Variants in IL1RAPL2 observed in about 807,000 individuals in gnomAD.
IL1RAPL2 encodes interleukin 1 receptor accessory protein like 2, also known as X-linked interleukin-1 receptor accessory protein-like 2.
A neutral mutation model predicts 44.1 loss-of-function variants in IL1RAPL2; 3 were observed. The ratio of observed to expected loss-of-function variants is 0.07; its 90% confidence interval spans 0.03 to 0.18. IL1RAPL2 has a LOEUF of 0.18. Ranked by LOEUF, IL1RAPL2 falls within the 10% of genes least tolerant of loss-of-function variation. IL1RAPL2 has a pLI of 1.00. For missense variants in IL1RAPL2, 391 were observed against 496.4 expected (o/e 0.79, Z 2.02); for synonymous variants, 181 against 178.8 (o/e 1.01, Z -0.10).
intron 2 of IL1RAPL2, among the ~76,000 whole-genome samples, chrX:104,909,204 T>C (rs1924142453): frequency 8.9e-6 from 1 of 112,080 alleles, no homozygotes; most frequent in African/African-American, 3.2e-5. Flanking sequence ...TCAGCTCCTT[T>C]AAGCACTTCT....
intron 2 of IL1RAPL2, among the ~76,000 whole-genome samples, chrX:104,824,389 T>C (rs763540163): frequency 1.8e-5 from 2 of 112,062 alleles, no homozygotes; most frequent in East Asian, 5.6e-4. Context: ...GGTAACAATA[T>C]GATGCTGACC....
intron 5 of IL1RAPL2, among the ~76,000 whole-genome samples, chrX:105,408,446 G>A (rs2035666721): frequency 9.1e-6 from 1 of 109,978 alleles, no homozygotes; most frequent in Non-Finnish European, 1.9e-5. Context: ...AACCACCTGT[G>A]TCTCCTTTGG....
chrX:105,196,240 C>T (rs1188797862), intron 3 of IL1RAPL2, among the ~76,000 whole-genome samples: 1 of 110,801 alleles, frequency 9.0e-6, no homozygotes, highest in Non-Finnish European at 1.9e-5. Context: ...CGAGATCGCG[C>T]CACTGCACTC....
At chrX:105,598,469 G>A (rs978008374) in intron 6 of IL1RAPL2, among the ~76,000 whole-genome samples, 2 of 110,992 alleles carry the variant, frequency 1.8e-5, no homozygotes, top group Admixed American at 1.9e-4. Context: ...TTGAAAAAAG[G>A]AAACTATGTG....
chrX:105,367,168 A>G (rs1023651251), intron 5 of IL1RAPL2, among the ~76,000 whole-genome samples: 3 of 111,167 alleles, frequency 2.7e-5, no homozygotes, highest in Non-Finnish European at 5.7e-5. Context: ...TTTGCTTTTT[A>G]TTTCTATGGA....
chrX:104,758,049 G>T (rs1050713321), intron 2 of IL1RAPL2, among the ~76,000 whole-genome samples: 3 of 112,048 alleles, frequency 2.7e-5, no homozygotes, highest in Admixed American at 1.9e-4. Context: ...GGACGGTAAA[G>T]AATATGAAGA....
chrX:104,760,368 A>G (rs764677869), intron 2 of IL1RAPL2, among the ~76,000 whole-genome samples: 2 of 112,170 alleles, frequency 1.8e-5, no homozygotes, highest in East Asian at 5.7e-4. Flanking sequence ...ACTGTTCTCC[A>G]TAATGGTTGT....
chrX:105,699,038 GTTAA>G (rs1403835829), intron 6 of IL1RAPL2, among the ~76,000 whole-genome samples: 1 of 111,587 alleles, frequency 9.0e-6, no homozygotes, highest in Non-Finnish European at 1.9e-5. Context: ...ATGTCAGGCA[GTTAA>G]TTCATGAAAA....
At chrX:105,405,993 G>A (rs930992965) in intron 5 of IL1RAPL2, 1 of 1,203,713 alleles carries the variant, frequency 8.3e-7, no homozygotes, top group African/African-American at 1.8e-5. Context: ...GCCTCCTGAG[G>A]GATTGTTAGG....
intron 5 of IL1RAPL2, among the ~76,000 whole-genome samples, chrX:105,439,457 T>C (rs2035904078): frequency 1.0e-5 from 1 of 99,687 alleles, no homozygotes; most frequent in South Asian, 4.8e-4. Flanking sequence ...TTAATCCTAC[T>C]ATATTGGCTC....
At chrX:105,563,928 T>A (rs1171243506) in intron 6 of IL1RAPL2, among the ~76,000 whole-genome samples, 1 of 111,953 alleles carries the variant, frequency 8.9e-6, no homozygotes, top group Non-Finnish European at 1.9e-5. Context: ...CTAATAGTCT[T>A]AGTCGATTTG....
At chrX:105,748,723 AACT>A (rs777718219) in intron 8 of IL1RAPL2, among the ~76,000 whole-genome samples, 7 of 112,566 alleles carry the variant, frequency 6.2e-5, no homozygotes, top group Non-Finnish European at 1.3e-4. Context: ...AATTGAGAGC[AACT>A]ATTCCTTTTC....
At chrX:104,983,927 A>G (rs1488243520) in intron 2 of IL1RAPL2, among the ~76,000 whole-genome samples, 1 of 109,833 alleles carries the variant, frequency 9.1e-6, no homozygotes, top group Admixed American at 1.0e-4. Context: ...CAAGGGCTCC[A>G]TTGAGTTGGC....
intron 6 of IL1RAPL2, among the ~76,000 whole-genome samples, chrX:105,643,940 G>A (rs978574616): frequency 3.6e-5 from 4 of 111,162 alleles, no homozygotes; most frequent in Non-Finnish European, 5.7e-5. Flanking sequence ...CCCTCAGGCT[G>A]GAGTGCAGTG....
intron 2 of IL1RAPL2, among the ~76,000 whole-genome samples, chrX:105,058,888 G>A (rs2032034998): frequency 9.0e-6 from 1 of 111,481 alleles, no homozygotes; most frequent in South Asian, 3.8e-4. Context: ...AATCACAAAG[G>A]CAGTTTTTGT....
At chrX:105,723,167 C>A (rs929897839) in intron 7 of IL1RAPL2, among the ~76,000 whole-genome samples, 20 of 111,630 alleles carry the variant, frequency 1.8e-4, no homozygotes, top group Middle Eastern at 4.6e-3. Flanking sequence ...CCTATTGCAC[C>A]ATTCACACGT....
At chrX:105,399,280 A>G (rs1271557174) in intron 5 of IL1RAPL2, among the ~76,000 whole-genome samples, 1 of 110,990 alleles carries the variant, frequency 9.0e-6, no homozygotes, top group Admixed American at 9.6e-5. Flanking sequence ...ACTTTAAAAG[A>G]CACTCTGTTA....
intron 6 of IL1RAPL2, among the ~76,000 whole-genome samples, chrX:105,510,295 GTA>G (rs970293169): frequency 7.1e-5 from 8 of 111,913 alleles, no homozygotes; most frequent in Non-Finnish European, 1.1e-4. Flanking sequence ...ATGGTAATGT[GTA>G]TGTGTGTGTG....
intron 5 of IL1RAPL2, among the ~76,000 whole-genome samples, chrX:105,350,775 G>C (rs1034604421): frequency 9.8e-5 from 11 of 112,018 alleles, no homozygotes; most frequent in African/African-American, 2.6e-4. Flanking sequence ...ATTGACAAAT[G>C]GGATCTAATT....
Sources: allele counts gnomAD v4.1 joint callset (sites outside exome capture counted in the v4.1 genomes callset), GRCh38; gene constraint gnomAD v4.1.1; transcripts MANE v1.5; gene names NCBI Gene and HGNC (gene_info 2026-07-23, HGNC 2026-07-21).